ATP1B3: variants seen among roughly 807,000 people sequenced by gnomAD.
ATP1B3 encodes the protein ATPase Na+/K+ transporting subunit beta 3, also known as sodium/potassium-transporting ATPase subunit beta-3.
A neutral mutation model predicts 30.2 loss-of-function variants in ATP1B3; 10 were observed. The ratio of observed to expected loss-of-function variants is 0.33; its 90% CI spans 0.20 to 0.56. The LOEUF is 0.56. Ranked by LOEUF, ATP1B3 falls within the 20% of genes least tolerant of loss-of-function variation. The pLI, the probability that ATP1B3 is intolerant of heterozygous loss-of-function variation, is 0.90. For synonymous variants in ATP1B3, 113 were observed against 117.0 expected (o/e 0.97, Z 0.22); for missense variants, 238 against 336.7 (o/e 0.71, Z 2.29).
chr3:141,913,944 T>C, intron 4 of ATP1B3, 108 bp downstream of exon 4: 1 of 1,090,794 alleles, frequency 9.2e-7, no homozygotes, highest in Non-Finnish European at 1.3e-6. Flanking sequence ...TTATTAAAAG[T>C]TATCATTTGG....
chr3:141,920,255 G>C (rs183895145), intron 5 of ATP1B3, among the ~76,000 whole-genome samples: 2 of 152,098 alleles, frequency 1.3e-5, no homozygotes, highest in South Asian at 4.1e-4. Flanking sequence ...GGAAGTGTAA[G>C]CTAAGTGTGG....
chr3:141,904,703 C>CTTTTT (rs35178202), intron 2 of ATP1B3, among the ~76,000 whole-genome samples: 4,824 of 89,214 alleles, frequency 0.054, 301 homozygotes, highest in Non-Finnish European at 0.074. Context: ...TTTAAACAGT[C>CTTTTT]TTTTTTTTTT....
chr3:141,883,301 A>G (rs543966490), intron 1 of ATP1B3, among the ~76,000 whole-genome samples: 2 of 152,308 alleles, frequency 1.3e-5, no homozygotes, highest in South Asian at 2.1e-4. Flanking sequence ...CAGCCTGGGC[A>G]ACATGGTGAA....
intron 1 of ATP1B3, among the ~76,000 whole-genome samples, chr3:141,877,347 A>G (rs1933625200): frequency 6.6e-6 from 1 of 151,870 alleles, no homozygotes; most frequent in Non-Finnish European, 1.5e-5. Flanking sequence ...CGGTTCGGAG[A>G]AGCCAGACCC....
intron 6 of ATP1B3, among the ~76,000 whole-genome samples, chr3:141,924,241 G>A (rs1394719755): frequency 6.6e-6 from 1 of 151,762 alleles, no homozygotes; most frequent in East Asian, 1.9e-4. Flanking sequence ...CTACCCAGGA[G>A]GCTGAGGCAG....
intron 1 of ATP1B3, among the ~76,000 whole-genome samples, chr3:141,881,321 A>G (rs1485839831): frequency 6.6e-6 from 1 of 152,184 alleles, no homozygotes; most frequent in Non-Finnish European, 1.5e-5. Context: ...CTGTCAGTAA[A>G]TGCTTTGTAT....
intron 5 of ATP1B3, among the ~76,000 whole-genome samples, chr3:141,920,071 A>G (rs570540877): frequency 2.0e-5 from 3 of 152,318 alleles, no homozygotes; most frequent in South Asian, 4.1e-4. Flanking sequence ...CACAGAAGGT[A>G]TAAATTAAAA....
At chr3:141,922,897 C>T (rs771545596) in intron 6 of ATP1B3, among the ~76,000 whole-genome samples, 4 of 152,038 alleles carry the variant, frequency 2.6e-5, no homozygotes, top group African/African-American at 9.7e-5. Flanking sequence ...ACCTGGGAGT[C>T]GGAGGTTACA....
At chr3:141,922,300 C>A (rs1389712608) in intron 6 of ATP1B3, 1 of 332,920 alleles carries the variant, frequency 3.0e-6, no homozygotes, top group African/African-American at 2.2e-5. Flanking sequence ...ATATCATTTT[C>A]TTTTTCATTA....
At chr3:141,882,021 A>G (rs1933737236) in intron 1 of ATP1B3, among the ~76,000 whole-genome samples, 2 of 152,178 alleles carry the variant, frequency 1.3e-5, no homozygotes, top group East Asian at 1.9e-4. Flanking sequence ...TAAGATTATT[A>G]AAGAGCCTCT....
At chr3:141,910,225 G>A (rs1221670929) in intron 3 of ATP1B3, among the ~76,000 whole-genome samples, 4 of 152,098 alleles carry the variant, frequency 2.6e-5, no homozygotes, top group Admixed American at 2.0e-4. Flanking sequence ...ACCTGCCTCC[G>A]CCTCCCAAAG....
chr3:141,916,227 C>T (rs1235132609), intron 5 of ATP1B3: 1 of 541,300 alleles, frequency 1.8e-6, no homozygotes, highest in Non-Finnish European at 3.4e-6. Context: ...TGATTTTGCA[C>T]ACATTGCCTT....
At chr3:141,920,147 C>T (rs1369702529) in intron 5 of ATP1B3, among the ~76,000 whole-genome samples, 2 of 152,152 alleles carry the variant, frequency 1.3e-5, no homozygotes, top group Non-Finnish European at 2.9e-5. Flanking sequence ...GCGTCTGCCA[C>T]ACCTGATGGT....
intron 2 of ATP1B3, among the ~76,000 whole-genome samples, chr3:141,904,325 T>C (rs887123979): frequency 6.6e-6 from 1 of 151,800 alleles, no homozygotes; most frequent in African/African-American, 2.4e-5. Context: ...TTGTCAGAAG[T>C]AAGCAAATGA....
At chr3:141,924,449 G>C (rs1164604553) in intron 6 of ATP1B3, among the ~76,000 whole-genome samples, 2 of 151,784 alleles carry the variant, frequency 1.3e-5, no homozygotes, top group African/African-American at 4.8e-5. Flanking sequence ...GACCAGCCTG[G>C]CCAACTTCAG....
At chr3:141,909,853 G>C (rs569591705) in intron 3 of ATP1B3, among the ~76,000 whole-genome samples, 3 of 152,232 alleles carry the variant, frequency 2.0e-5, no homozygotes, top group South Asian at 2.1e-4. Context: ...AGACTAGAAG[G>C]GGGGAATTGG....
In ATP1B3 at chr3:141,921,997, A is replaced by G. The variant is rs1250507661; in HGVS notation, c.603A>G (p.Val201=). The change falls in exon 6 of 7, where the codon GTA becomes GTG. Residue 201 remains valine (V), a synonymous_variant. Transcript: ENST00000286371. ...TTCAGAATGAAGATATACCAAATGT[A>G]GCAGTTTATCCTCATAATGGAATGA... ...CVSKNEDIPN[V]AVYPHNGMID... The G allele has an allele frequency of 6.5e-7, 1 of 1,542,508 alleles. No homozygotes were observed. The highest frequency in any genetic ancestry group is 8.8e-7 in the Non-Finnish European group (1 of 1,134,630).
intron 3 of ATP1B3, among the ~76,000 whole-genome samples, chr3:141,912,085 G>GT (rs1490782552): frequency 1.3e-5 from 2 of 152,060 alleles, no homozygotes; most frequent in African/African-American, 4.8e-5. Context: ...TTGTTATAAA[G>GT]TTTATCTCTA....
intron 1 of ATP1B3, among the ~76,000 whole-genome samples, chr3:141,885,016 T>C (rs1559864717): frequency 6.6e-6 from 1 of 152,204 alleles, no homozygotes; most frequent in Non-Finnish European, 1.5e-5. Flanking sequence ...GAGGCTTAGA[T>C]GTCTTAACTA....
Sources: gnomAD v4.1 joint callset for allele counts (sites outside exome capture counted in the v4.1 genomes callset) on GRCh38, gnomAD v4.1.1 for gene constraint, MANE v1.5 for transcripts, NCBI Gene and HGNC (gene_info 2026-07-23, HGNC 2026-07-21) for gene names.